Variants in WASF2 observed in about 807,000 individuals in gnomAD.
WASF2 encodes WASP family member 2.
A neutral mutation model predicts 45.0 loss-of-function variants in WASF2; 14 were observed. The ratio of observed to expected loss-of-function variants is 0.31; its 90% CI spans 0.21 to 0.49. WASF2 has a LOEUF of 0.49. Ranked by LOEUF, WASF2 falls within the 20% of genes least tolerant of loss-of-function variation. The probability of loss-of-function intolerance (pLI) is 0.99; values close to 1 mark genes in which losing one functional copy is unlikely to be tolerated. For missense variants in WASF2, 439 were observed against 636.1 expected (o/e 0.69, Z 3.33); for synonymous variants, 200 against 236.3 (o/e 0.85, Z 1.41).
intron 1 of WASF2, among the ~76,000 whole-genome samples, chr1:27,488,002 T>C (rs929268619): frequency 6.6e-6 from 1 of 152,036 alleles, no homozygotes; most frequent in East Asian, 1.9e-4. Context: ...GGGACATGGA[T>C]AGAGACAGGA....
intron 1 of WASF2, among the ~76,000 whole-genome samples, chr1:27,456,733 C>CTTT (rs568890517): frequency 3.8e-5 from 5 of 132,172 alleles, no homozygotes; most frequent in Admixed American, 7.7e-5. Context: ...AAGGTTTTCT[C>CTTT]TTTTTTTTTT....
chr1:27,472,324 C>CAA (rs201360272), intron 1 of WASF2, among the ~76,000 whole-genome samples: 6 of 81,500 alleles, frequency 7.4e-5, no homozygotes, highest in Admixed American at 2.8e-4. Context: ...GACGCCAACT[C>CAA]AAAAAAAAAA....
intron 2 of WASF2, among the ~76,000 whole-genome samples, chr1:27,428,297 G>C (rs1244684145): frequency 6.6e-6 from 1 of 152,172 alleles, no homozygotes; most frequent in Non-Finnish European, 1.5e-5. Context: ...ACTCCTCTTT[G>C]GGAAGAAAAG....
intron 1 of WASF2, among the ~76,000 whole-genome samples, chr1:27,485,130 A>G (rs571472159): frequency 6.6e-6 from 1 of 152,188 alleles, no homozygotes; most frequent in Non-Finnish European, 1.5e-5. Flanking sequence ...AGGCTGGGCA[A>G]TAAGAGCGAA....
chr1:27,446,157 T>C (rs1381709846), intron 1 of WASF2, among the ~76,000 whole-genome samples: 3 of 152,150 alleles, frequency 2.0e-5, no homozygotes, highest in African/African-American at 7.2e-5. Flanking sequence ...ATGTATTCTT[T>C]ACTAGATTTA....
chr1:27,466,208 ATAAAG>A (rs1460094116), intron 1 of WASF2, among the ~76,000 whole-genome samples: 4 of 152,228 alleles, frequency 2.6e-5, no homozygotes, highest in Admixed American at 6.5e-5. Flanking sequence ...CAAAGAGTTG[ATAAAG>A]TAAACTTTTT....
chr1:27,475,645 TGAGA>T (rs1205916176), intron 1 of WASF2, among the ~76,000 whole-genome samples: 1 of 152,222 alleles, frequency 6.6e-6, no homozygotes, highest in Non-Finnish European at 1.5e-5. Flanking sequence ...CTGTTTTGTT[TGAGA>T]GAGTGTCTGC....
chr1:27,423,654 C>T lies in WASF2; in HGVS notation c.131-4566G>A, dbSNP rs116402601. On this transcript the variant is annotated intron_variant, in intron 2 of 8. Coordinates refer to ENST00000618852, the MANE Select transcript of WASF2 (RefSeq NM_006990.5). ...TGTTCAGAGTTAAATTTCACTCACT[C>T]AGATTACCAAGACAGACCCAATATC... Among the ~76,000 whole-genome samples the T allele has an allele frequency of 2.7e-3, 413 of 152,310 alleles. 1 individual carries two copies. The highest frequency in any genetic ancestry group is 9.7e-3 in the African/African-American group (405 of 41,560).
intron 1 of WASF2, among the ~76,000 whole-genome samples, chr1:27,472,798 C>CAA (rs200312302): frequency 5.6e-5 from 7 of 125,564 alleles, no homozygotes; most frequent in Non-Finnish European, 3.5e-5. Flanking sequence ...CCATCTTTAC[C>CAA]AAAAAAAAAA....
rs143992200 is a variant in WASF2, at chr1:27,410,172, C to A, written c.859G>T (p.Ala287Ser). The A allele has an allele frequency of 9.3e-6, 15 of 1,613,756 alleles. No homozygotes were observed. In the African/African-American group the frequency reaches 1.6e-4, roughly 17 times the overall value. Residue 287 changes from alanine to serine, a missense_variant, in exon 8 of 9, where the codon GCT (alanine) becomes TCT (serine). By Grantham distance (99) the Ala-to-Ser change is moderately conservative (BLOSUM62 1). This residue lies in a region of WASF2 where 286 missense variants were observed against 373.5 expected (regional missense o/e 0.77). Coordinates refer to ENST00000618852, the MANE Select transcript of WASF2 (RefSeq NM_006990.5). The surrounding 1 kb of genome is among the most constrained non-coding windows in gnomAD (Gnocchi z 4.2). The stretch of plus-strand genomic sequence containing the variant: ...ACCACACTGGATCTTTTGGGTCCAG[C>A]CAAACCAGATCCTCTTTGGTTGTCC... ...PVDNQRGSGLAGPKRSSVVSP... is the reference protein window; with the variant it reads ...PVDNQRGSGLSGPKRSSVVSP...
chr1:27,428,747 T>TCTGAGGCACTCA lies in WASF2; in HGVS notation c.130+2_130+13dup. 1 of 1,614,146 alleles carries TCTGAGGCACTCA rather than the reference T, an allele frequency of 6.2e-7. No individual in the cohort carries two copies. ...ACCCCTGAGGGCAAAGCACAGGCTC[T>TCTGAGGCACTCA]CTGAGGCACTCACTCAGGCTGCCCA... On this transcript the variant is annotated intron_variant, in intron 2 of 8. Transcript: ENST00000618852.
intron 1 of WASF2, among the ~76,000 whole-genome samples, chr1:27,447,027 C>T (rs1026187642): frequency 1.3e-5 from 2 of 152,052 alleles, no homozygotes; most frequent in African/African-American, 4.8e-5. Context: ...AAATCTCTAT[C>T]AACTGCCTTG....
intron 5 of WASF2, 61 bp downstream of exon 5, chr1:27,415,924 T>G: frequency 7.0e-7 from 1 of 1,423,630 alleles, no homozygotes; most frequent in East Asian, 2.3e-5. Flanking sequence ...CTGGCTTCCT[T>G]TTTATCCCCC....
chr1:27,440,447 A>T (rs1382330590), intron 1 of WASF2, among the ~76,000 whole-genome samples: 1 of 152,098 alleles, frequency 6.6e-6, no homozygotes, highest in Non-Finnish European at 1.5e-5. Context: ...ACTTTAGCCC[A>T]GGAGGTCGAG....
chr1:27,455,347 T>TG (rs2148127585), intron 1 of WASF2, among the ~76,000 whole-genome samples: 1 of 152,226 alleles, frequency 6.6e-6, no homozygotes, highest in Non-Finnish European at 1.5e-5. Flanking sequence ...ATTAACCAGA[T>TG]GAAGTCTGGT....
chr1:27,478,830 C>G (rs747540656), intron 1 of WASF2, among the ~76,000 whole-genome samples: 58 of 152,132 alleles, frequency 3.8e-4, no homozygotes, highest in Non-Finnish European at 6.9e-4. Context: ...GTGATCCACC[C>G]GCCTCGACCT....
intron 1 of WASF2, among the ~76,000 whole-genome samples, chr1:27,482,464 AT>A (rs1217155869): frequency 6.6e-6 from 1 of 152,234 alleles, no homozygotes; most frequent in African/African-American, 2.4e-5. Context: ...AGTTCTTTAT[AT>A]AAGCAATGCT....
chr1:27,458,891 T>C (rs1368929820), intron 1 of WASF2, among the ~76,000 whole-genome samples: 3 of 151,058 alleles, frequency 2.0e-5, no homozygotes, highest in Non-Finnish European at 3.0e-5. Context: ...TTTGGGAGGC[T>C]GAGGCAGGCG....
rs538606044 is a variant in WASF2 at position 27,471,491 on chromosome 1, G to C, written c.-44+18495C>G. Among the ~76,000 whole-genome samples, 3 of 152,130 alleles carry C rather than the reference G, an allele frequency of 2.0e-5. No homozygotes were observed. The East Asian group carries it at 5.8e-4, about 29-fold the overall frequency. The stretch of plus-strand genomic sequence containing the variant: ...ACAAAAAATAAAATTAGCTGGGCAT[G>C]GTGGTGTACATCTGTGGTCCCAGCT... On this transcript the variant is annotated intron_variant, in intron 1 of 8. Coordinates refer to ENST00000618852, the MANE Select transcript of WASF2 (RefSeq NM_006990.5).
Sources: gnomAD v4.1 joint callset for allele counts (sites outside exome capture counted in the v4.1 genomes callset) on GRCh38, gnomAD v4.1.1 for gene constraint, gnomAD v4.1.1 regional missense constraint, Gnocchi (gnomAD v3.1) non-coding constraint, MANE v1.5 for transcripts, NCBI Gene and HGNC (gene_info 2026-07-23, HGNC 2026-07-21) for gene names.